CALN1: variants seen among roughly 807,000 people sequenced by gnomAD.
CALN1 encodes calcium-binding protein 8.
CALN1 carries 17 observed loss-of-function variants against 30.6 expected under a neutral mutation model. That is an observed-to-expected ratio of 0.56 (90% CI 0.38 to 0.83). The LOEUF is 0.83. Among genes scored for constraint, CALN1 ranks in the 40% least tolerant of loss-of-function variants. The pLI, the probability that CALN1 is intolerant of heterozygous loss-of-function variation, is 0.00. For missense variants in CALN1, 291 were observed against 354.9 expected (o/e 0.82, Z 1.45); for synonymous variants, 156 against 131.4 (o/e 1.19, Z -1.28).
At chr7:72,255,087 G>A (rs1186621461) in intron 3 of CALN1, among the ~76,000 whole-genome samples, 2 of 120,238 alleles carry the variant, frequency 1.7e-5, no homozygotes, top group East Asian at 2.1e-4. Context: ...CACCATGCCC[G>A]GCCTTTCTTT....
intron 5 of CALN1, among the ~76,000 whole-genome samples, chr7:71,908,285 A>G (rs1463345394): frequency 2.6e-5 from 4 of 152,144 alleles, no homozygotes; most frequent in South Asian, 4.1e-4. Flanking sequence ...ATTTTCCCCT[A>G]TGCTTACACT....
chr7:72,027,726 A>AACACACACACAC (rs111705413), intron 4 of CALN1, among the ~76,000 whole-genome samples: 7 of 143,222 alleles, frequency 4.9e-5, no homozygotes, highest in African/African-American at 1.8e-4. Context: ...CAAACAAACA[A>AACACACACACAC]ACACACACAC....
intron 2 of CALN1, among the ~76,000 whole-genome samples, chr7:72,350,494 C>T (rs989185287): frequency 6.6e-6 from 1 of 152,156 alleles, no homozygotes; most frequent in Non-Finnish European, 1.5e-5. Context: ...AGGGATAGAG[C>T]TGGAGGCCAT....
At chr7:72,361,660 A>G (rs1267789359) in intron 2 of CALN1, among the ~76,000 whole-genome samples, 2 of 152,204 alleles carry the variant, frequency 1.3e-5, no homozygotes, top group Admixed American at 6.5e-5. Context: ...CCAGAAGTTT[A>G]CCAGGTTACC....
intron 4 of CALN1, chr7:72,104,312 C>T (rs1029728561): frequency 2.0e-5 from 3 of 152,200 alleles, no homozygotes; most frequent in Non-Finnish European, 4.4e-5. Context: ...TTGCCTAGGG[C>T]TTGCAGGGAC....
intron 6 of CALN1, among the ~76,000 whole-genome samples, chr7:71,795,696 G>C (rs974050642): frequency 2.6e-5 from 4 of 151,880 alleles, no homozygotes; most frequent in Non-Finnish European, 5.9e-5. Context: ...GGATTTGCCT[G>C]CTCTGAATCT....
At chr7:72,278,368 C>T (rs560302866) in intron 3 of CALN1, among the ~76,000 whole-genome samples, 5 of 152,052 alleles carry the variant, frequency 3.3e-5, no homozygotes, top group Middle Eastern at 3.4e-3. Context: ...ATAAAGACTC[C>T]GGAAAATGGA....
intron 6 of CALN1, among the ~76,000 whole-genome samples, chr7:71,807,736 T>C (rs1351113578): frequency 6.6e-6 from 1 of 151,862 alleles, no homozygotes; most frequent in Non-Finnish European, 1.5e-5. Context: ...GGTCAGGAGT[T>C]CAAGACCAGC....
chr7:72,407,209 G>C (rs984473435), intron 1 of CALN1, among the ~76,000 whole-genome samples: 6 of 152,200 alleles, frequency 3.9e-5, no homozygotes, highest in African/African-American at 1.4e-4. Context: ...GTGTGACCTT[G>C]GGCAAGTGAC....
chr7:71,995,169 A>G (rs1478196183), intron 5 of CALN1, among the ~76,000 whole-genome samples: 3 of 152,070 alleles, frequency 2.0e-5, no homozygotes, highest in African/African-American at 7.2e-5. Flanking sequence ...CTAATTTTTT[A>G]TTACGCACAT....
Position 71,940,715 on chromosome 7 carries a change from G to A in CALN1, c.501+82942C>T, listed in dbSNP as rs542204500. Among the ~76,000 whole-genome samples the A allele has an allele frequency of 1.2e-4, 18 of 152,076 alleles. No homozygotes were observed. The South Asian group carries it at 2.1e-3, about 18-fold the overall frequency. On this transcript the variant is annotated intron_variant, in intron 5 of 6. Coordinates refer to ENST00000395275, the MANE Select transcript of CALN1 (RefSeq NM_031468.4). ...ACCTCCAGGGCTCAAGCGATCCTGC[G>A]ATCCTCCCACCTCAGCCTCCCGAGT...
chr7:72,341,259 A>G (rs11773659), intron 2 of CALN1, among the ~76,000 whole-genome samples: 31,028 of 152,148 alleles, frequency 0.2, 4,015 homozygotes, highest in East Asian at 0.4. Context: ...ACGGTGGCTG[A>G]AGCCTGTAAT....
chr7:72,079,128 C>T (rs968154626), intron 4 of CALN1, among the ~76,000 whole-genome samples: 14 of 152,152 alleles, frequency 9.2e-5, no homozygotes, highest in African/African-American at 3.1e-4. Flanking sequence ...GTGAATTCTT[C>T]AAGGATGCAA....
chr7:71,889,625 C>G (rs1428993337), intron 5 of CALN1, among the ~76,000 whole-genome samples: 1 of 152,098 alleles, frequency 6.6e-6, no homozygotes, highest in Non-Finnish European at 1.5e-5. Flanking sequence ...GATATTCCAA[C>G]CCCACACCAT....
At chr7:72,106,322 G>A (rs1324107366) in intron 3 of CALN1, 28 bp from the exon 4 acceptor site, 1 of 1,612,930 alleles carries the variant, frequency 6.2e-7, no homozygotes, top group Non-Finnish European at 8.5e-7. Flanking sequence ...AGAAAGTCCA[G>A]TGGTCACATG....
chr7:72,250,525 G>A (rs1276418220), intron 3 of CALN1, among the ~76,000 whole-genome samples: 1 of 152,124 alleles, frequency 6.6e-6, no homozygotes, highest in Non-Finnish European at 1.5e-5. Flanking sequence ...TAGTTCAGAT[G>A]TCTGTCCCCT....
At chr7:71,846,893 G>A (rs1353071149) in intron 5 of CALN1, among the ~76,000 whole-genome samples, 5 of 142,848 alleles carry the variant, frequency 3.5e-5, no homozygotes, top group African/African-American at 1.0e-4. Flanking sequence ...ACACATATAT[G>A]TATATATAAT....
chr7:72,383,057 A>C (rs1297304817), intron 2 of CALN1, among the ~76,000 whole-genome samples: 1 of 152,172 alleles, frequency 6.6e-6, no homozygotes, highest in African/African-American at 2.4e-5. Flanking sequence ...AAGTGCTGGG[A>C]TTACGGGCAT....
intron 4 of CALN1, among the ~76,000 whole-genome samples, chr7:72,037,924 C>T (rs1801901060): frequency 6.6e-6 from 1 of 152,184 alleles, no homozygotes; most frequent in Non-Finnish European, 1.5e-5. Flanking sequence ...ATGTCTGGCT[C>T]CCCACAGGGG....
Sources: allele counts gnomAD v4.1 joint callset (sites outside exome capture counted in the v4.1 genomes callset), GRCh38; gene constraint gnomAD v4.1.1; transcripts MANE v1.5; gene names NCBI Gene and HGNC (gene_info 2026-07-23, HGNC 2026-07-21).